Variants in LINGO1 observed in about 807,000 individuals in gnomAD.
LINGO1 encodes leucine rich repeat and Ig domain containing 1, also known as leucine-rich repeat and immunoglobulin-like domain-containing nogo receptor-interacting protein 1.
Under a neutral mutation model 37.3 loss-of-function variants are expected in LINGO1, and 11 were observed. That is an observed-to-expected ratio of 0.29 (90% CI 0.19 to 0.49). The LOEUF is 0.49. Ranked by LOEUF, LINGO1 falls within the 20% of genes least tolerant of loss-of-function variation. LINGO1 has a pLI of 0.99. For synonymous variants in LINGO1, 387 were observed against 403.0 expected (o/e 0.96, Z 0.48); for missense variants, 585 against 878.2 (o/e 0.67, Z 4.22).
chr15:77,743,668 G>C (rs1200557819), intron 1 of LINGO1, among the ~76,000 whole-genome samples: 1 of 152,156 alleles, frequency 6.6e-6, no homozygotes, highest in African/African-American at 2.4e-5. Flanking sequence ...TCGTGTTCAG[G>C]GCTGGCTGGG....
chr15:77,617,116 A>G (rs1234268138), intron 1 of LINGO1, among the ~76,000 whole-genome samples: 1 of 152,170 alleles, frequency 6.6e-6, no homozygotes, highest in Admixed American at 6.5e-5. Flanking sequence ...AGGTGGTGAC[A>G]TGAGAAACCG....
At chr15:77,792,746 G>A (rs901112626) in intron 2 of LINGO1, among the ~76,000 whole-genome samples, 2 of 152,206 alleles carry the variant, frequency 1.3e-5, no homozygotes, top group African/African-American at 4.8e-5. Context: ...GGCTCTATGA[G>A]GGCAATGCCA....
intron 1 of LINGO1, among the ~76,000 whole-genome samples, chr15:77,626,721 G>T (rs2074100112): frequency 6.6e-6 from 1 of 152,200 alleles, no homozygotes. Flanking sequence ...CTCACAGGGA[G>T]GCCCATTCAG....
intron 1 of LINGO1, among the ~76,000 whole-genome samples, chr15:77,818,870 C>T (rs1297635209): frequency 1.3e-5 from 2 of 151,506 alleles, no homozygotes; most frequent in African/African-American, 4.8e-5. Flanking sequence ...CCTCCGCCCG[C>T]CAGACGGCCC....
intron 1 of LINGO1, among the ~76,000 whole-genome samples, chr15:77,799,418 A>T (rs917544092): frequency 1.3e-5 from 2 of 152,184 alleles, no homozygotes; most frequent in African/African-American, 2.4e-5. Flanking sequence ...CTGCTCCCAC[A>T]GCCCAAGGCC....
chr15:77,718,650 G>GT (rs2076013600), intron 2 of LINGO1, among the ~76,000 whole-genome samples: 1 of 150,808 alleles, frequency 6.6e-6, no homozygotes, highest in Non-Finnish European at 1.5e-5. Context: ...AAGAGGCAGG[G>GT]GTCTAGGGAC....
upstream of LINGO1, among the ~76,000 whole-genome samples, chr15:77,790,798 T>C (rs1340217345): frequency 6.6e-6 from 1 of 152,130 alleles, no homozygotes; most frequent in Non-Finnish European, 1.5e-5. Context: ...GGGAGGCGGA[T>C]TCAGCTCAGT....
intron 2 of LINGO1, among the ~76,000 whole-genome samples, chr15:77,792,585 A>G (rs746427475): frequency 6.6e-6 from 1 of 152,048 alleles, no homozygotes; most frequent in Non-Finnish European, 1.5e-5. Flanking sequence ...CTTTCCTGAG[A>G]AGGGCTCCAG....
At chr15:77,724,835 C>G (rs1596158843) in intron 2 of LINGO1, among the ~76,000 whole-genome samples, 2 of 152,224 alleles carry the variant, frequency 1.3e-5, no homozygotes, top group Admixed American at 1.3e-4. Flanking sequence ...TGCCCTCCCC[C>G]ACAGTCTACC....
At chr15:77,714,286 T>C (rs2075956809) in intron 2 of LINGO1, among the ~76,000 whole-genome samples, 1 of 151,856 alleles carries the variant, frequency 6.6e-6, no homozygotes, top group African/African-American at 2.4e-5. Flanking sequence ...GACCTAGGCC[T>C]CCATCATGTC....
chr15:77,645,286 T>A (rs949470548), intron 3 of LINGO1, among the ~76,000 whole-genome samples: 2 of 150,608 alleles, frequency 1.3e-5, no homozygotes, highest in African/African-American at 4.9e-5. Context: ...ACTCCACACA[T>A]CACAGCCCAA....
At chr15:77,627,370 T>C (rs180993709) in intron 1 of LINGO1, among the ~76,000 whole-genome samples, 1 of 152,224 alleles carries the variant, frequency 6.6e-6, no homozygotes, top group South Asian at 2.1e-4. Context: ...AGCACCCAGC[T>C]TCTCAGACCC....
intron 3 of LINGO1, among the ~76,000 whole-genome samples, chr15:77,650,261 C>T (rs1343060817): frequency 6.6e-6 from 1 of 152,132 alleles, no homozygotes; most frequent in Non-Finnish European, 1.5e-5. Flanking sequence ...TCGAGGCTTT[C>T]AGAGACTATG....
At chr15:77,748,731 G>A (rs1388127972) in intron 1 of LINGO1, among the ~76,000 whole-genome samples, 1 of 151,800 alleles carries the variant, frequency 6.6e-6, no homozygotes, top group Non-Finnish European at 1.5e-5. Context: ...CGGTGCAGGG[G>A]AGAGACAGAG....
intron 1 of LINGO1, among the ~76,000 whole-genome samples, chr15:77,802,842 C>T (rs2076930626): frequency 6.6e-6 from 1 of 152,156 alleles, no homozygotes; most frequent in Non-Finnish European, 1.5e-5. Context: ...AACCACATGG[C>T]TGCCTGCTCC....
upstream of LINGO1, among the ~76,000 whole-genome samples, chr15:77,637,579 G>C (rs541555889): frequency 5.3e-5 from 8 of 152,238 alleles, no homozygotes; most frequent in Admixed American, 2.0e-4. This position sits in a 1 kb window ranked among gnomAD's most constrained non-coding sequence, Gnocchi z 4.6. Context: ...ATGGCTTAAC[G>C]TGTGGCTGGT....
upstream of LINGO1, among the ~76,000 whole-genome samples, chr15:77,635,733 C>CCCTGGTGGCG (rs1567476194): frequency 2.0e-5 from 3 of 152,202 alleles, no homozygotes; most frequent in African/African-American, 7.2e-5. Flanking sequence ...TCTCCCCAGA[C>CCCTGGTGGCG]TGAAATGACA....
At position 77,761,077 on chromosome 15, in the gene LINGO1, C is replaced by A. The variant is rs574825583; in HGVS notation, c.-257+25792G>T. On this transcript the variant is annotated intron_variant, in intron 1 of 3. Transcript: ENST00000561686. Reference sequence around the variant, plus strand: ...AAGAAGCTGAGACTACAGGTGCGTGCCACCATGCCTGGCTAATTTTTTTTT... The same window carrying A: ...AAGAAGCTGAGACTACAGGTGCGTGACACCATGCCTGGCTAATTTTTTTTT... Among the ~76,000 whole-genome samples, 36 of 151,500 alleles carry A rather than the reference C, an allele frequency of 2.4e-4. 1 individual carries two copies. Among genetic ancestry groups the A allele is most frequent in the African/African-American group, 8.7e-4 (36 of 41,238 alleles).
At chr15:77,781,335 C>G (rs1335773281) in intron 1 of LINGO1, among the ~76,000 whole-genome samples, 2 of 152,226 alleles carry the variant, frequency 1.3e-5, no homozygotes, top group African/African-American at 4.8e-5. Context: ...CCCTCTCACC[C>G]AGCTCCCACG....
Sources: gnomAD v4.1 joint callset for allele counts (sites outside exome capture counted in the v4.1 genomes callset) on GRCh38, gnomAD v4.1.1 for gene constraint, Gnocchi (gnomAD v3.1) non-coding constraint, MANE v1.5 for transcripts, NCBI Gene and HGNC (gene_info 2026-07-23, HGNC 2026-07-21) for gene names.